Variants in RNF4 observed in about 807,000 individuals in gnomAD.
The protein encoded by RNF4 is E3 ubiquitin-protein ligase RNF4.
In RNF4, 7 loss-of-function variants were observed where a neutral mutation model predicts 24.3. The ratio of observed to expected loss-of-function variants is 0.29; its 90% CI spans 0.16 to 0.54. The LOEUF is 0.54. Ranked by LOEUF, RNF4 falls within the 20% of genes least tolerant of loss-of-function variation. The probability of loss-of-function intolerance (pLI) is 0.95; values close to 1 mark genes in which losing one functional copy is unlikely to be tolerated. For missense variants in RNF4, 209 were observed against 248.5 expected (o/e 0.84, Z 1.07); for synonymous variants, 83 against 84.3 (o/e 0.98, Z 0.09).
rs1232713801 is a variant in RNF4 at position 2,469,197 on chromosome 4, G to GGCGGTGGCGCCT, written c.-214_-203dup. The GGCGGTGGCGCCT allele has an allele frequency of 1.3e-5, 2 of 152,244 alleles. No homozygotes were observed. The highest frequency in any genetic ancestry group is 2.4e-5 in the African/African-American group (1 of 41,464). The allele number at this position is 152,244 out of a possible 1,614,324, so 9.4% of individuals were successfully genotyped here. ...AGGAGCTTCTTCTCCGGAGTGCGCC[G>GGCGGTGGCGCCT]GCGGTGGCGCCTGCGGACCTAACTA... On this transcript the variant is annotated 5_prime_UTR_variant, in exon 1 of 8. Transcript: ENST00000314289.
At chr4:2,496,806 C>T (rs974453058) in intron 2 of RNF4, among the ~76,000 whole-genome samples, 2 of 152,130 alleles carry the variant, frequency 1.3e-5, no homozygotes, top group African/African-American at 4.8e-5. Context: ...TCTGGAATTT[C>T]TACTCATTTT....
rs1210075136 is a variant in RNF4 at position 2,513,859 on chromosome 4, G to GAC, written c.*42_*43dup. The GAC allele has an allele frequency of 1.9e-6, 3 of 1,612,342 alleles. No individual in the cohort carries two copies. Among genetic ancestry groups the GAC allele is most frequent in the East Asian group, 4.5e-5 (2 of 44,868 alleles). ...CCCAGGAGAGACGGATGGACAGACA[G>GAC]ACAGCCAGGTTCTCCAGTGGTATCT... is the stretch of plus-strand genomic sequence containing the variant. On this transcript the variant is annotated 3_prime_UTR_variant, in exon 8 of 8. Transcript: ENST00000314289.
intron 4 of RNF4, among the ~76,000 whole-genome samples, chr4:2,503,396 G>A (rs1477782703): frequency 6.6e-6 from 1 of 152,128 alleles, no homozygotes. Context: ...AAGTGGATGG[G>A]TGGCCAGAGG....
chr4:2,501,960 G>A (rs895676402), intron 4 of RNF4, among the ~76,000 whole-genome samples: 22 of 152,182 alleles, frequency 1.4e-4, no homozygotes, highest in African/African-American at 5.3e-4. Flanking sequence ...AAGCAGCAGT[G>A]GGTTTAGTTG....
chr4:2,491,075 TATAA>T (rs749500318), intron 2 of RNF4, among the ~76,000 whole-genome samples: 4 of 152,094 alleles, frequency 2.6e-5, no homozygotes, highest in South Asian at 2.1e-4. Flanking sequence ...AGTGAGACTC[TATAA>T]AGTATTTGCA....
intron 2 of RNF4, among the ~76,000 whole-genome samples, chr4:2,492,490 A>T (rs1163003821): frequency 1.3e-5 from 2 of 152,166 alleles, no homozygotes; most frequent in Non-Finnish European, 2.9e-5. Flanking sequence ...AATGATCTAA[A>T]CTCAAAACAT....
chr4:2,472,180 C>A (rs138670672), intron 1 of RNF4, among the ~76,000 whole-genome samples: 1 of 152,088 alleles, frequency 6.6e-6, no homozygotes, highest in East Asian at 1.9e-4. Context: ...AATCCTAGGG[C>A]CCTTAAGAAG....
intron 7 of RNF4, 134 bp from the exon 8 acceptor site, chr4:2,513,536 C>A: frequency 9.8e-7 from 1 of 1,016,394 alleles, no homozygotes; most frequent in Non-Finnish European, 1.4e-6. Context: ...CTCTCCAGAC[C>A]CCTCCCTGTT....
chr4:2,509,522 GTGT>G (rs1173246925), intron 4 of RNF4, among the ~76,000 whole-genome samples: 1 of 152,072 alleles, frequency 6.6e-6, no homozygotes, highest in East Asian at 1.9e-4. Flanking sequence ...CCAGCCTGTG[GTGT>G]TGTTCTTATA....
At chr4:2,480,131 A>G (rs553356225) in intron 1 of RNF4, 1 of 151,966 alleles carries the variant, frequency 6.6e-6, no homozygotes, top group East Asian at 1.9e-4. Context: ...TATTTTGTAG[A>G]GAAGGAGTTT....
chr4:2,493,397 C>G lies in RNF4; in HGVS notation c.9+2895C>G, dbSNP rs138682232. 3.6e-3 allele frequency among the ~76,000 whole-genome samples: 549 copies of G among 152,056 alleles called. 1 individual carries two copies. The highest frequency in any genetic ancestry group is 0.012 in the African/African-American group (478 of 41,454). ...GAGGGGAGATTTTGGGTCCAGGACC[C>G]ATGGCTGCTTTCTTGGCTCCCTCAG... is the stretch of plus-strand genomic sequence containing the variant. On this transcript the variant is annotated intron_variant, in intron 2 of 7. Transcript: ENST00000314289.
intron 2 of RNF4, among the ~76,000 whole-genome samples, chr4:2,495,479 TGCAAG>T (rs1735705256): frequency 6.6e-6 from 1 of 152,196 alleles, no homozygotes; most frequent in Non-Finnish European, 1.5e-5. Flanking sequence ...ATAACAGCTC[TGCAAG>T]GCTGGTACTG....
intron 2 of RNF4, among the ~76,000 whole-genome samples, chr4:2,491,282 C>T (rs1346979610): frequency 6.6e-6 from 1 of 152,124 alleles, no homozygotes; most frequent in Admixed American, 6.6e-5. Context: ...TGTCACCCAG[C>T]CTGGAGTGCA....
rs1422382708 is a variant in RNF4, at chr4:2,514,452, G to A, written c.*633G>A. 1 of 154,306 alleles carries A rather than the reference G, an allele frequency of 6.5e-6. No individual in the cohort carries two copies. Among genetic ancestry groups the A allele is most frequent in the Non-Finnish European group, 1.4e-5 (1 of 69,236 alleles). 9.6% of individuals were successfully genotyped at this position (154,306 alleles called of 1,614,324 possible). On this transcript the variant is annotated 3_prime_UTR_variant, in exon 8 of 8. Coordinates refer to ENST00000314289, the MANE Select transcript of RNF4 (RefSeq NM_002938.5). ...CGAAAAAGTGCAATAAAGGCCATTC[G>A]TTACCTACTTTTCAGCAGCCCACAA... is the stretch of plus-strand genomic sequence containing the variant.
intron 3 of RNF4, among the ~76,000 whole-genome samples, chr4:2,497,558 G>C (rs957035398): frequency 6.6e-6 from 1 of 152,198 alleles, no homozygotes; most frequent in African/African-American, 2.4e-5. Flanking sequence ...TCAAGAAGTG[G>C]TTGATGGCTG....
intron 3 of RNF4, among the ~76,000 whole-genome samples, chr4:2,498,481 C>G (rs568269105): frequency 7.2e-5 from 11 of 152,266 alleles, no homozygotes; most frequent in Admixed American, 3.3e-4. Flanking sequence ...AGCCACCCGC[C>G]TGGCCTAGAG....
chr4:2,485,356 A>G (rs904432851), intron 1 of RNF4, among the ~76,000 whole-genome samples: 4 of 151,996 alleles, frequency 2.6e-5, no homozygotes, highest in African/African-American at 9.7e-5. Context: ...TGTTTCTTTT[A>G]AATTCTCTTT....
intron 1 of RNF4, among the ~76,000 whole-genome samples, chr4:2,488,431 C>G (rs887744957): frequency 6.6e-6 from 1 of 151,986 alleles, no homozygotes; most frequent in Non-Finnish European, 1.5e-5. Flanking sequence ...CCAGTCTGGG[C>G]AACAGAGTGA....
At chr4:2,510,416 C>T (rs905011098) in intron 4 of RNF4, among the ~76,000 whole-genome samples, 1 of 152,142 alleles carries the variant, frequency 6.6e-6, no homozygotes, top group East Asian at 1.9e-4. Flanking sequence ...TCTTTGGGTT[C>T]GTGTAGACAG....
Sources: allele counts gnomAD v4.1 joint callset (sites outside exome capture counted in the v4.1 genomes callset), GRCh38; gene constraint gnomAD v4.1.1; transcripts MANE v1.5; gene names NCBI Gene and HGNC (gene_info 2026-07-23, HGNC 2026-07-21).